FBXO34: variants seen among roughly 807,000 people sequenced by gnomAD.
FBXO34 encodes the protein F-box protein 34.
A neutral mutation model predicts 24.5 loss-of-function variants in FBXO34; 12 were observed. That is an observed-to-expected ratio of 0.49 (90% CI 0.31 to 0.79). FBXO34 has a LOEUF of 0.79. Ranked by LOEUF, FBXO34 falls within the 30% of genes least tolerant of loss-of-function variation. The pLI, the probability that FBXO34 is intolerant of heterozygous loss-of-function variation, is 0.04. For missense variants in FBXO34, 823 were observed against 857.7 expected, an observed-to-expected ratio of 0.96 and a Z score of 0.51; for synonymous variants, 320 against 311.9, an observed-to-expected ratio of 1.03 and a Z score of -0.27.
At position 55,298,865 on chromosome 14, in the gene FBXO34, A is replaced by G; in HGVS notation, c.-11+27328A>G. 3 of 1,610,950 alleles carry G rather than the reference A, an allele frequency of 1.9e-6. No homozygotes were observed. The South Asian group carries it at 3.3e-5, about 18-fold the overall frequency. On this transcript the variant is annotated intron_variant, in intron 1 of 1. Transcript: ENST00000313833. ...AGCTGGCGCAGATCGACGGTACATTATCAACCATCGAGTTCCAGCAGCAGG... is the reference window on the plus strand; with the variant it reads ...AGCTGGCGCAGATCGACGGTACATTGTCAACCATCGAGTTCCAGCAGCAGG...
chr14:55,313,209 TA>T (rs1273918774), intron 1 of FBXO34, among the ~76,000 whole-genome samples: 2 of 152,108 alleles, frequency 1.3e-5, no homozygotes, highest in East Asian at 1.9e-4. Context: ...ATCTCTAAGG[TA>T]GGGGCAAAAT....
At chr14:55,370,897 T>C (rs1490097759), downstream of FBXO34, among the ~76,000 whole-genome samples, 2 of 152,132 alleles carry the variant, frequency 1.3e-5, no homozygotes, top group African/African-American at 4.8e-5. Flanking sequence ...CACCCCTGCC[T>C]CTCAAAACGC....
intron 1 of FBXO34, among the ~76,000 whole-genome samples, chr14:55,298,346 C>T (rs78610369): frequency 0.058 from 8,835 of 152,062 alleles, 327 homozygotes; most frequent in South Asian, 0.09. Context: ...CCACTTCTCC[C>T]ATACTTGACC....
chr14:55,349,298 A>G (rs77262603), intron 1 of FBXO34, among the ~76,000 whole-genome samples: 8,372 of 152,174 alleles, frequency 0.055, 302 homozygotes, highest in Non-Finnish European at 0.08. Flanking sequence ...CTGGAACACT[A>G]GTCTCTGCAT....
At chr14:55,341,359 C>T (rs1219483872) in intron 1 of FBXO34, among the ~76,000 whole-genome samples, 2 of 152,150 alleles carry the variant, frequency 1.3e-5, no homozygotes, top group African/African-American at 4.8e-5. Flanking sequence ...AGAAAGTGCA[C>T]AGATGGGCCT....
chr14:55,331,705 G>GTATATATATGTGTATATA (rs1883559675), intron 1 of FBXO34, among the ~76,000 whole-genome samples: 1 of 26,958 alleles, frequency 3.7e-5, no homozygotes, highest in Non-Finnish European at 5.9e-5. Flanking sequence ...ATATATATAT[G>GTATATATATGTGTATATA]TATATATATA....
At chr14:55,359,387 G>T (rs1378193499) in intron 3 of FBXO34, among the ~76,000 whole-genome samples, 1 of 152,176 alleles carries the variant, frequency 6.6e-6, no homozygotes, top group Non-Finnish European at 1.5e-5. Context: ...CCAGACCACT[G>T]CAATAAAGCA....
intron 1 of FBXO34, among the ~76,000 whole-genome samples, chr14:55,331,355 A>C (rs764899700): frequency 6.6e-6 from 1 of 152,014 alleles, no homozygotes; most frequent in Admixed American, 6.6e-5. Context: ...CTGGAGTAGT[A>C]GTTTGTAAAT....
intron 1 of FBXO34, among the ~76,000 whole-genome samples, chr14:55,309,200 C>A (rs769049314): frequency 3.3e-5 from 5 of 152,038 alleles, no homozygotes; most frequent in Non-Finnish European, 2.9e-5. Flanking sequence ...TTACACACTT[C>A]CAGAAGAGTT....
At chr14:55,317,977 A>G (rs922561043) in intron 1 of FBXO34, among the ~76,000 whole-genome samples, 33 of 152,218 alleles carry the variant, frequency 2.2e-4, no homozygotes, top group Non-Finnish European at 4.1e-4. Flanking sequence ...AACATTTTCT[A>G]TTAATCCCTC....
downstream of FBXO34, among the ~76,000 whole-genome samples, chr14:55,363,021 CTCTT>C (rs1425016005): frequency 1.1e-4 from 13 of 122,536 alleles, no homozygotes; most frequent in East Asian, 2.3e-4. Flanking sequence ...TTTTCTCTCT[CTCTT>C]TTTTTTTTTT....
At chr14:55,411,677 G>T in the FBXO34 span, 1 of 1,613,290 alleles carries the variant, frequency 6.2e-7, no homozygotes, top group Non-Finnish European at 8.5e-7. Flanking sequence ...CCGCCGGCGG[G>T]TAGTGTTGCA....
chr14:55,343,735 T>C (rs932875756), intron 1 of FBXO34, among the ~76,000 whole-genome samples: 1 of 152,254 alleles, frequency 6.6e-6, no homozygotes, highest in African/African-American at 2.4e-5. Context: ...TTTGATATTG[T>C]GGCTTCCTAT....
At chr14:55,400,992 T>C in the FBXO34 span, among the ~76,000 whole-genome samples, 3 of 151,888 alleles carry the variant, frequency 2.0e-5, no homozygotes, top group African/African-American at 7.3e-5. Flanking sequence ...TACAGCAAAA[T>C]TGTGGGCAAT....
At chr14:55,415,910 CAT>C in the FBXO34 span, among the ~76,000 whole-genome samples, 4 of 151,992 alleles carry the variant, frequency 2.6e-5, no homozygotes, top group African/African-American at 9.7e-5. Context: ...GAATATTAGT[CAT>C]AAACAGAAAT....
At chr14:55,427,832 T>TACAC in the FBXO34 span, among the ~76,000 whole-genome samples, 97 of 145,172 alleles carry the variant, frequency 6.7e-4, no homozygotes, top group East Asian at 1.0e-3. Flanking sequence ...TGCAGCTATA[T>TACAC]ACACACACAC....
At chr14:55,282,197 G>C (rs1459211044) in intron 1 of FBXO34, 1 of 197,454 alleles carries the variant, frequency 5.1e-6, no homozygotes, top group African/African-American at 2.3e-5. Context: ...GTTTCTCCAT[G>C]TTGGCCAAGA....
chr14:55,423,846 G>T, the FBXO34 span, among the ~76,000 whole-genome samples: 1 of 152,156 alleles, frequency 6.6e-6, no homozygotes, highest in Non-Finnish European at 1.5e-5. Context: ...TTAGGACCTT[G>T]TGTGGCCATT....
At chr14:55,278,747 G>T (rs1265063344) in intron 1 of FBXO34, among the ~76,000 whole-genome samples, 1 of 152,164 alleles carries the variant, frequency 6.6e-6, no homozygotes, top group African/African-American at 2.4e-5. Flanking sequence ...GAGTACAGTG[G>T]TGCTAACAAG....
Sources: gnomAD v4.1 joint callset for allele counts (sites outside exome capture counted in the v4.1 genomes callset) on GRCh38, gnomAD v4.1.1 for gene constraint, MANE v1.5 for transcripts, NCBI Gene and HGNC (gene_info 2026-07-23, HGNC 2026-07-21) for gene names.